The following SLC25A36 variants were observed in gnomAD, a reference collection of about 807,000 sequenced individuals.
The protein encoded by SLC25A36 is epididymis secretory sperm binding protein.
SLC25A36 carries 24 observed loss-of-function variants against 35.3 expected under a neutral mutation model. The ratio of observed to expected loss-of-function variants is 0.68; its 90% CI spans 0.49 to 0.96. The LOEUF (loss-of-function observed/expected upper bound fraction) is 0.96. Among genes scored for constraint, SLC25A36 ranks in the 40% least tolerant of loss-of-function variants. The probability of loss-of-function intolerance (pLI) is 0.00; values close to 1 mark genes in which losing one functional copy is unlikely to be tolerated. For missense variants in SLC25A36, 294 were observed against 381.1 expected, an observed-to-expected ratio of 0.77 and a Z score of 1.90; for synonymous variants, 141 against 132.2, an observed-to-expected ratio of 1.07 and a Z score of -0.46.
At chr3:140,948,425 G>A (rs764583183) in intron 1 of SLC25A36, among the ~76,000 whole-genome samples, 7 of 149,514 alleles carry the variant, frequency 4.7e-5, no homozygotes, top group Non-Finnish European at 1.0e-4. Flanking sequence ...CTCATGATCT[G>A]CCCACCTCGG....
At chr3:140,959,008 GTT>G (rs1934559720) in intron 2 of SLC25A36, among the ~76,000 whole-genome samples, 1 of 91,444 alleles carries the variant, frequency 1.1e-5, no homozygotes, top group Non-Finnish European at 2.2e-5. Context: ...GTGTGTGTGT[GTT>G]TTCTTTTTCT....
intron 4 of SLC25A36, chr3:140,968,162 A>G (rs555780867): frequency 7.4e-6 from 7 of 942,356 alleles, no homozygotes; most frequent in Non-Finnish European, 7.6e-6. Context: ...TTATTAGATT[A>G]TATTTATTAG....
chr3:140,962,960 A>T (rs575849560), intron 3 of SLC25A36, among the ~76,000 whole-genome samples, 167 bp from the exon 4 acceptor site: 2 of 152,172 alleles, frequency 1.3e-5, no homozygotes, highest in Non-Finnish European at 2.9e-5. Context: ...CAATACAGAA[A>T]GTACTTCAGA....
intron 6 of SLC25A36, among the ~76,000 whole-genome samples, 187 bp from the exon 7 acceptor site, chr3:140,976,073 A>G (rs369196299): frequency 1.0e-3 from 158 of 152,296 alleles, no homozygotes; most frequent in African/African-American, 3.7e-3. Context: ...ATTAATGTAC[A>G]TGATTTTGGC....
chr3:140,945,176 G>A (rs778129003), intron 1 of SLC25A36, among the ~76,000 whole-genome samples: 3 of 152,156 alleles, frequency 2.0e-5, no homozygotes, highest in Non-Finnish European at 2.9e-5. Flanking sequence ...GTATCCTCAC[G>A]TAGTAGGAGA....
At chr3:140,976,214 G>A (rs112373011) in intron 6 of SLC25A36, 46 bp from the exon 7 acceptor site, 1 of 1,251,140 alleles carries the variant, frequency 8.0e-7, no homozygotes, top group South Asian at 1.4e-5. Flanking sequence ...AATTAGAAGA[G>A]TGTAAAGATA....
chr3:140,950,430 G>GT (rs1023761924), intron 1 of SLC25A36, among the ~76,000 whole-genome samples: 5 of 151,532 alleles, frequency 3.3e-5, no homozygotes, highest in Non-Finnish European at 7.4e-5. Context: ...ATCTTGATTG[G>GT]TTTTTTTTCA....
At chr3:140,971,688 G>T (rs1934906769) in intron 5 of SLC25A36, among the ~76,000 whole-genome samples, 2 of 152,138 alleles carry the variant, frequency 1.3e-5, no homozygotes, top group South Asian at 4.1e-4. Flanking sequence ...CAAAAGCAGT[G>T]CTGCGTAGGG....
intron 1 of SLC25A36, among the ~76,000 whole-genome samples, chr3:140,945,244 A>C (rs1934131778): frequency 6.6e-6 from 1 of 152,184 alleles, no homozygotes; most frequent in Non-Finnish European, 1.5e-5. Context: ...TCAGGGCTAC[A>C]ATCTCATGAC....
At chr3:140,960,738 T>C (rs1934606119) in intron 3 of SLC25A36, among the ~76,000 whole-genome samples, 1 of 152,214 alleles carries the variant, frequency 6.6e-6, no homozygotes, top group Non-Finnish European at 1.5e-5. Context: ...TGGCACCATG[T>C]GTAGGTGCAA....
At chr3:140,950,757 T>A (rs1576477369) in intron 1 of SLC25A36, among the ~76,000 whole-genome samples, 1 of 152,196 alleles carries the variant, frequency 6.6e-6, no homozygotes. Context: ...CTTGAAAGAT[T>A]GCAGTAGCGC....
At chr3:140,954,172 AG>A (rs1220340967) in intron 1 of SLC25A36, among the ~76,000 whole-genome samples, 7 of 152,322 alleles carry the variant, frequency 4.6e-5, no homozygotes, top group African/African-American at 1.7e-4. Flanking sequence ...CAAAAATAAA[AG>A]CCTTTTGTGC....
intron 4 of SLC25A36, among the ~76,000 whole-genome samples, chr3:140,969,938 G>A (rs1297414412): frequency 6.6e-6 from 1 of 151,812 alleles, no homozygotes; most frequent in Non-Finnish European, 1.5e-5. Flanking sequence ...ATTTTTTATT[G>A]AGTAAATGTA....
intron 1 of SLC25A36, chr3:140,942,341 A>C (rs1342247144): frequency 2.5e-6 from 1 of 404,190 alleles, no homozygotes; most frequent in East Asian, 4.1e-5. Context: ...AGGCCCGGGC[A>C]AAGAGGGTTG....
In SLC25A36 at chr3:140,976,601, T is replaced by G; in HGVS notation, c.*148T>G. 2.0e-6 allele frequency: 1 copy of G among 507,578 alleles called. No individual in the cohort carries two copies. The highest frequency in any genetic ancestry group is 5.4e-5 in the South Asian group (1 of 18,350). 31.4% of individuals were successfully genotyped at this position (507,578 alleles called of 1,614,324 possible). On this transcript the variant is annotated 3_prime_UTR_variant, in exon 7 of 7. Coordinates refer to ENST00000324194, the MANE Select transcript of SLC25A36 (RefSeq NM_001104647.3). ...GGAAGTTTTGTTGTAGGAATTATAG[T>G]AATCACACCACATTACTTGGCCTTT...
chr3:140,947,513 C>T (rs745372181), intron 1 of SLC25A36, among the ~76,000 whole-genome samples: 4 of 152,022 alleles, frequency 2.6e-5, no homozygotes, highest in Admixed American at 6.6e-5. Context: ...TTAAACCAGT[C>T]TTGGTTACAC....
intron 1 of SLC25A36, among the ~76,000 whole-genome samples, chr3:140,951,543 G>A (rs1194906948): frequency 6.6e-6 from 1 of 152,120 alleles, no homozygotes. Flanking sequence ...GTGTGCACTG[G>A]CACAATCTCG....
At chr3:140,942,421 A>T in intron 1 of SLC25A36, 1 of 238,098 alleles carries the variant, frequency 4.2e-6, no homozygotes, top group Non-Finnish European at 8.2e-6. Context: ...GGCCGAATCC[A>T]TGCGTCTGAG....
chr3:140,968,930 A>G (rs1201725047), intron 4 of SLC25A36, among the ~76,000 whole-genome samples: 2 of 151,824 alleles, frequency 1.3e-5, no homozygotes, highest in East Asian at 1.9e-4. Flanking sequence ...AGTTTTTCTT[A>G]AGATTTCTAT....
Sources: allele counts gnomAD v4.1 joint callset (sites outside exome capture counted in the v4.1 genomes callset), GRCh38; gene constraint gnomAD v4.1.1; transcripts MANE v1.5; gene names NCBI Gene and HGNC (gene_info 2026-07-23, HGNC 2026-07-21).